RARS2: variants seen among roughly 807,000 people sequenced by gnomAD.
RARS2 encodes the protein arginyl-tRNA synthetase 2, mitochondrial.
Under a neutral mutation model 88.5 loss-of-function variants are expected in RARS2, and 67 were observed. That is an observed-to-expected ratio of 0.76 (90% CI 0.62 to 0.93). RARS2 has a LOEUF of 0.93. RARS2 is among the 40% of genes least tolerant of loss of function. The pLI, the probability that RARS2 is intolerant of heterozygous loss-of-function variation, is 0.00. For missense variants in RARS2, 664 were observed against 684.2 expected, an observed-to-expected ratio of 0.97 and a Z score of 0.33; for synonymous variants, 239 against 230.3, an observed-to-expected ratio of 1.04 and a Z score of -0.34.
intron 1 of RARS2, among the ~76,000 whole-genome samples, chr6:87,575,956 T>C (rs930876956): frequency 6.6e-6 from 1 of 151,616 alleles, no homozygotes; most frequent in Non-Finnish European, 1.5e-5. Flanking sequence ...GCACCCACCA[T>C]GCCCAGCTAA....
chr6:87,519,765 T>C (rs1773239585), intron 13 of RARS2, 58 bp from the exon 14 acceptor site: 1 of 1,596,404 alleles, frequency 6.3e-7, no homozygotes, highest in Admixed American at 1.7e-5. Flanking sequence ...GCTGAAAGCA[T>C]ATAATACCTT....
intron 1 of RARS2, among the ~76,000 whole-genome samples, chr6:87,583,422 T>A (rs1252306045): frequency 1.3e-5 from 2 of 152,022 alleles, no homozygotes; most frequent in African/African-American, 2.4e-5. Context: ...AAACCCCATC[T>A]CTACTAAAAA....
chr6:87,572,408 A>C (rs1049918696), intron 1 of RARS2, among the ~76,000 whole-genome samples: 9 of 152,198 alleles, frequency 5.9e-5, no homozygotes, highest in Non-Finnish European at 1.3e-4. Context: ...AAAAAAACTC[A>C]GTTATTAGGT....
chr6:87,573,921 A>G (rs534172945), intron 1 of RARS2, among the ~76,000 whole-genome samples: 1 of 152,358 alleles, frequency 6.6e-6, no homozygotes, highest in East Asian at 1.9e-4. Flanking sequence ...TAGCTTCTGG[A>G]GGAGAATGGA....
intron 8 of RARS2, among the ~76,000 whole-genome samples, chr6:87,534,291 CTCCT>C (rs935739411): frequency 5.3e-5 from 8 of 152,084 alleles, no homozygotes; most frequent in Non-Finnish European, 1.0e-4. Context: ...CAAATTTCTC[CTCCT>C]TAATACATTA....
chr6:87,549,624 C>A (rs1463724627), intron 5 of RARS2, among the ~76,000 whole-genome samples: 1 of 151,722 alleles, frequency 6.6e-6, no homozygotes, highest in South Asian at 2.1e-4. Flanking sequence ...GCTCACCACT[C>A]CAAATTCCCA....
chr6:87,569,762 T>C (rs1045959336), intron 1 of RARS2, among the ~76,000 whole-genome samples, 172 bp from the exon 2 acceptor site: 5 of 152,170 alleles, frequency 3.3e-5, no homozygotes, highest in Non-Finnish European at 7.4e-5. Context: ...GATTCAATTA[T>C]TTGACCCTCT....
At chr6:87,551,928 A>G (rs1311769765) in intron 5 of RARS2, among the ~76,000 whole-genome samples, 1 of 152,160 alleles carries the variant, frequency 6.6e-6, no homozygotes, top group African/African-American at 2.4e-5. Flanking sequence ...GACTAGAGAG[A>G]GATTAGAGAG....
chr6:87,522,151 G>A (rs186570793), intron 11 of RARS2, among the ~76,000 whole-genome samples: 11 of 152,192 alleles, frequency 7.2e-5, no homozygotes, highest in African/African-American at 2.4e-4. Flanking sequence ...CCAACATGGT[G>A]AAACCCCGTC....
At chr6:87,557,806 T>C (rs1157644479) in intron 4 of RARS2, among the ~76,000 whole-genome samples, 1 of 152,224 alleles carries the variant, frequency 6.6e-6, no homozygotes. Context: ...TGCCCTTGAC[T>C]CTGCACTCTG....
At chr6:87,572,906 T>C (rs1770230844) in intron 1 of RARS2, among the ~76,000 whole-genome samples, 1 of 152,092 alleles carries the variant, frequency 6.6e-6, no homozygotes, top group African/African-American at 2.4e-5. Flanking sequence ...GTTTTACACC[T>C]AGTAATACAG....
intron 18 of RARS2, among the ~76,000 whole-genome samples, chr6:87,515,528 A>G (rs995176313): frequency 6.6e-6 from 1 of 151,948 alleles, no homozygotes; most frequent in Non-Finnish European, 1.5e-5. Flanking sequence ...TCAAAAAAAA[A>G]AAAAGATTAT....
chr6:87,545,210 A>T (rs1223684726), intron 7 of RARS2, among the ~76,000 whole-genome samples: 2 of 152,162 alleles, frequency 1.3e-5, no homozygotes, highest in African/African-American at 4.8e-5. Flanking sequence ...CAGGCTTCCG[A>T]GTAGCTAGGA....
At position 87,537,235 on chromosome 6, in the gene RARS2, T is replaced by C. The variant is rs377327893; in HGVS notation, c.612+4683A>G. ...GTTGAAAGTGCCAAAACTAAACTAC[T>C]AATTGTGTCCCTGGTATAGCAACTC... is the stretch of plus-strand genomic sequence containing the variant. On this transcript the variant is annotated intron_variant, in intron 8 of 19. Coordinates refer to ENST00000369536, the MANE Select transcript of RARS2 (RefSeq NM_020320.5). 4.5e-4 allele frequency among the ~76,000 whole-genome samples: 68 copies of C among 152,336 alleles called. 1 individual carries two copies. The highest frequency in any genetic ancestry group is 1.6e-3 in the African/African-American group (67 of 41,578).
At position 87,542,045 on chromosome 6, in the gene RARS2, T is replaced by C. The variant is rs189928121; in HGVS notation, c.536-51A>G. ...AATTATAAAGTTGAACAACAGAGAA[T>C]AGGCATGACAGGGAATAGGTATAAT... On this transcript the variant is annotated intron_variant, in intron 7 of 19. Coordinates refer to ENST00000369536, the MANE Select transcript of RARS2 (RefSeq NM_020320.5). 21 of 1,374,912 alleles carry C rather than the reference T, an allele frequency of 1.5e-5. No homozygotes were observed. The East Asian group carries it at 4.6e-4, about 30-fold the overall frequency. The allele number at this position is 1,374,912 out of a possible 1,614,324, so 85.2% of individuals were successfully genotyped here. A position where few individuals can be genotyped will look rare whatever the true frequency, so the allele number is the denominator to read the frequency against.
rs1488426065 is a variant in RARS2 at position 87,524,552 on chromosome 6, C to G, written c.974+5G>C. On this transcript the variant is annotated splice_donor_5th_base_variant and intron_variant, in intron 11 of 19. Transcript: ENST00000369536. Reference sequence around the variant, plus strand: ...CAAATGTTGACCCTCACAGAGGCTACAAACCTGGTTGCATAGAGAGAAGTC... The same window carrying G: ...CAAATGTTGACCCTCACAGAGGCTAGAAACCTGGTTGCATAGAGAGAAGTC... The G allele has an allele frequency of 6.3e-7, 1 of 1,598,378 alleles. No individual in the cohort carries two copies. The highest frequency in any genetic ancestry group is 1.3e-5 in the African/African-American group (1 of 74,484).
At chr6:87,516,735 C>T (rs2127993564) in intron 18 of RARS2, 71 bp downstream of exon 18, 1 of 1,588,190 alleles carries the variant, frequency 6.3e-7, no homozygotes, top group Non-Finnish European at 8.6e-7. Flanking sequence ...AATTTGTTTA[C>T]AGGAAACCTT....
intron 7 of RARS2, among the ~76,000 whole-genome samples, chr6:87,542,277 C>G (rs1387054081): frequency 6.6e-6 from 1 of 152,084 alleles, no homozygotes; most frequent in Non-Finnish European, 1.5e-5. Flanking sequence ...ACTAATTTAT[C>G]TTTGTACTAA....
intron 9 of RARS2, among the ~76,000 whole-genome samples, chr6:87,530,152 A>G (rs954127425): frequency 6.6e-6 from 1 of 152,150 alleles, no homozygotes; most frequent in Non-Finnish European, 1.5e-5. Context: ...ATTACCACAA[A>G]AAGCACTGGA....
Sources: allele counts gnomAD v4.1 joint callset (sites outside exome capture counted in the v4.1 genomes callset), GRCh38; gene constraint gnomAD v4.1.1; transcripts MANE v1.5; gene names NCBI Gene and HGNC (gene_info 2026-07-23, HGNC 2026-07-21).